The following MCTP1 variants were observed in gnomAD, a reference collection of about 807,000 sequenced individuals.
The protein encoded by MCTP1 is multiple C2 and transmembrane domain-containing protein 1.
Under a neutral mutation model 120.6 loss-of-function variants are expected in MCTP1, and 69 were observed. The observed-to-expected ratio is 0.57, with a 90% CI of 0.47 to 0.70. The LOEUF (loss-of-function observed/expected upper bound fraction) is 0.70, where lower values mean the gene tolerates loss of function less well. MCTP1 is among the 30% of genes least tolerant of loss of function. The probability of loss-of-function intolerance (pLI) is 0.00; values close to 1 mark genes in which losing one functional copy is unlikely to be tolerated. For missense variants in MCTP1, 1,203 were observed against 1,248.8 expected (o/e 0.96, Z 0.55); for synonymous variants, 529 against 493.1 (o/e 1.07, Z -0.96).
chr5:94,745,033 G>A (rs1471717906), intron 19 of MCTP1, among the ~76,000 whole-genome samples: 1 of 152,020 alleles, frequency 6.6e-6, no homozygotes, highest in East Asian at 1.9e-4. Context: ...ACAAGAGAAG[G>A]AAGACTCCAG....
intron 1 of MCTP1, among the ~76,000 whole-genome samples, chr5:95,080,253 A>T (rs1754590910): frequency 6.6e-6 from 1 of 152,196 alleles, no homozygotes; most frequent in South Asian, 2.1e-4. Flanking sequence ...GCAATGGCTA[A>T]GAAATTGCAA....
intron 19 of MCTP1, among the ~76,000 whole-genome samples, chr5:94,733,717 A>G (rs1052430098): frequency 3.3e-5 from 5 of 152,076 alleles, no homozygotes; most frequent in African/African-American, 1.2e-4. Context: ...TGTAATCCCA[A>G]CACTTTGGGA....
chr5:94,809,105 A>T (rs948080333), intron 17 of MCTP1, among the ~76,000 whole-genome samples: 1 of 152,148 alleles, frequency 6.6e-6, no homozygotes, highest in African/African-American at 2.4e-5. Context: ...CTAGTGAAGA[A>T]TCTCCACAAC....
intron 17 of MCTP1, among the ~76,000 whole-genome samples, chr5:94,855,654 G>A (rs152287): frequency 0.51 from 77,306 of 151,362 alleles, 23,023 homozygotes; most frequent in Non-Finnish European, 0.69. Context: ...CTGCAGCCCC[G>A]GAACAAAGCC....
At chr5:95,206,459 G>C (rs369311792) in intron 1 of MCTP1, among the ~76,000 whole-genome samples, 1 of 152,000 alleles carries the variant, frequency 6.6e-6, no homozygotes, top group East Asian at 1.9e-4. Context: ...GCTGTTATAA[G>C]AAAAAAAATT....
At chr5:95,076,729 T>C (rs1275711095) in intron 1 of MCTP1, among the ~76,000 whole-genome samples, 2 of 152,282 alleles carry the variant, frequency 1.3e-5, no homozygotes, top group East Asian at 3.9e-4. Context: ...AGGAATAGAA[T>C]GTCCTCAAAC....
chr5:94,745,061 C>T (rs1326660625), intron 19 of MCTP1, among the ~76,000 whole-genome samples: 2 of 143,642 alleles, frequency 1.4e-5, no homozygotes, highest in Admixed American at 7.2e-5. Context: ...CTATGACATG[C>T]TCCCACCCAC....
intron 1 of MCTP1, among the ~76,000 whole-genome samples, chr5:95,259,267 C>T (rs180914424): frequency 1.3e-5 from 2 of 152,268 alleles, no homozygotes; most frequent in East Asian, 3.9e-4. Flanking sequence ...ACTTGCAACC[C>T]AACCTGGACT....
At chr5:95,195,156 G>A (rs1750236981) in intron 1 of MCTP1, among the ~76,000 whole-genome samples, 1 of 152,126 alleles carries the variant, frequency 6.6e-6, no homozygotes, top group African/African-American at 2.4e-5. Context: ...TATGCTCCAG[G>A]GATTCAGAAT....
At chr5:95,218,530 A>G (rs2152595270) in intron 1 of MCTP1, among the ~76,000 whole-genome samples, 1 of 152,366 alleles carries the variant, frequency 6.6e-6, no homozygotes, top group Middle Eastern at 3.4e-3. Flanking sequence ...CCTAGTATCA[A>G]GGAGAAAAAT....
At chr5:94,721,504 G>T (rs1760891347) in intron 19 of MCTP1, among the ~76,000 whole-genome samples, 1 of 152,072 alleles carries the variant, frequency 6.6e-6, no homozygotes, top group Admixed American at 6.6e-5. Context: ...AAAATAATAT[G>T]GTTTGTAATG....
At chr5:95,123,062 G>A (rs914259565) in intron 1 of MCTP1, among the ~76,000 whole-genome samples, 2 of 152,150 alleles carry the variant, frequency 1.3e-5, no homozygotes, top group African/African-American at 4.8e-5. Context: ...ATTTGACAGT[G>A]CAACAGGGTG....
chr5:94,772,785 T>G (rs1305751560), intron 19 of MCTP1, among the ~76,000 whole-genome samples: 4 of 152,210 alleles, frequency 2.6e-5, no homozygotes, highest in African/African-American at 9.6e-5. Flanking sequence ...TGAGGTAACC[T>G]GCATCTGTAC....
At chr5:95,099,824 G>A (rs1324123868) in intron 1 of MCTP1, among the ~76,000 whole-genome samples, 3 of 148,894 alleles carry the variant, frequency 2.0e-5, no homozygotes, top group East Asian at 2.0e-4. Context: ...ACATGCACAC[G>A]TATGTTTATT....
intron 7 of MCTP1, among the ~76,000 whole-genome samples, chr5:94,923,091 CT>C (rs1406079296): frequency 6.7e-6 from 1 of 149,112 alleles, no homozygotes; most frequent in Non-Finnish European, 1.5e-5. Flanking sequence ...CAATACATGA[CT>C]TAATCTGGTA....
chr5:94,848,141 T>C (rs1014591839), intron 17 of MCTP1, among the ~76,000 whole-genome samples: 1 of 152,124 alleles, frequency 6.6e-6, no homozygotes, highest in Non-Finnish European at 1.5e-5. Context: ...CTAAAACTAT[T>C]CCTGAATCTG....
intron 17 of MCTP1, among the ~76,000 whole-genome samples, chr5:94,853,924 G>T (rs1794246382): frequency 1.3e-5 from 2 of 151,852 alleles, no homozygotes; most frequent in South Asian, 4.1e-4. Context: ...TGCAGGGACA[G>T]GTGAGTTTCA....
intron 13 of MCTP1, 112 bp downstream of exon 13, chr5:94,873,027 A>G: frequency 2.9e-6 from 2 of 694,538 alleles, no homozygotes; most frequent in South Asian, 3.3e-5. Flanking sequence ...GGCCAGATGC[A>G]TTGAGTTGTG....
intron 1 of MCTP1, among the ~76,000 whole-genome samples, chr5:95,069,999 G>C (rs1002044232): frequency 3.3e-5 from 5 of 152,086 alleles, no homozygotes; most frequent in African/African-American, 1.2e-4. Flanking sequence ...CATCGTGCCC[G>C]GCCGACCCTC....
Sources: gnomAD v4.1 joint callset for allele counts (sites outside exome capture counted in the v4.1 genomes callset) on GRCh38, gnomAD v4.1.1 for gene constraint, MANE v1.5 for transcripts, NCBI Gene and HGNC (gene_info 2026-07-23, HGNC 2026-07-21) for gene names.